Variants in MTMR10 observed in about 807,000 individuals in gnomAD.
MTMR10 encodes myotubularin related protein 10.
A neutral mutation model predicts 88.1 loss-of-function variants in MTMR10; 56 were observed. The ratio of observed to expected loss-of-function variants is 0.64; its 90% confidence interval spans 0.51 to 0.79. The LOEUF (loss-of-function observed/expected upper bound fraction) is 0.79, where lower values mean the gene tolerates loss of function less well. MTMR10 is among the 30% of genes least tolerant of loss of function. MTMR10 has a pLI of 0.00. For synonymous variants in MTMR10, 380 were observed against 340.9 expected, an observed-to-expected ratio of 1.11 and a Z score of -1.26; for missense variants, 883 against 924.7, an observed-to-expected ratio of 0.95 and a Z score of 0.58.
rs772167377 is a variant in MTMR10, at chr15:30,941,488, T to C, written c.2316A>G (p.Thr772=). 2 of 1,609,060 alleles carry C rather than the reference T, an allele frequency of 1.2e-6. No homozygotes were observed. The highest frequency in any genetic ancestry group is 1.7e-6 in the Non-Finnish European group (2 of 1,177,302). ...SGAKIWLSTE[T]LANED is the part of the protein sequence containing the mutation. Reference sequence around the variant, plus strand: ...CCCTATTTTAGTCTTCATTTGCTAATGTCTCAGTAGACAACCATATTTTGG... The same window carrying C: ...CCCTATTTTAGTCTTCATTTGCTAACGTCTCAGTAGACAACCATATTTTGG... The change falls in exon 16 of 16, where the codon ACA becomes ACG. Residue 772 remains threonine (T), a synonymous_variant. Transcript: ENST00000435680.
the MTMR10 span, among the ~76,000 whole-genome samples, chr15:30,923,514 T>C: frequency 4.6e-5 from 7 of 152,216 alleles, no homozygotes; most frequent in Admixed American, 2.0e-4. Flanking sequence ...TTACTGGCCA[T>C]AGCTCTTGTT....
chr15:30,972,232 T>C (rs1037382423), intron 5 of MTMR10, among the ~76,000 whole-genome samples: 1 of 152,188 alleles, frequency 6.6e-6, no homozygotes, highest in African/African-American at 2.4e-5. Flanking sequence ...AACTTTTCAC[T>C]TGAAATAAAA....
Position 30,939,801 on chromosome 15 carries a change from T to C in MTMR10, c.*1669A>G, listed in dbSNP as rs1489286049. 2.0e-6 allele frequency: 2 copies of C among 985,182 alleles called. No homozygotes were observed. The highest frequency in any genetic ancestry group is 1.1e-4 in the East Asian group (1 of 8,834). 61.0% of individuals were successfully genotyped at this position (985,182 alleles called of 1,614,324 possible). On this transcript the variant is annotated 3_prime_UTR_variant, in exon 16 of 16. Transcript: ENST00000435680. ...GATACGCTGTGGTGTTATAAGGAGA[T>C]TGGGTCTGGTTTCTAATCAAGGACT...
chr15:30,943,037 A>C lies in MTMR10; in HGVS notation c.1584T>G (p.Asp528Glu). 1 of 1,547,136 alleles carries C rather than the reference A, an allele frequency of 6.5e-7. No homozygotes were observed. Residue 528 changes from aspartate to glutamate, a missense_variant, in exon 15 of 16, where the codon GAT becomes GAG. Asp to Glu is a conservative substitution (Grantham distance 45, BLOSUM62 2). Coordinates refer to ENST00000435680, the MANE Select transcript of MTMR10 (RefSeq NM_017762.3). ...CAGAGGGGAATTTTAAGCCCTTCTC[A>C]TCACCCAATTGGATGTTTTTGCTTA... is the stretch of plus-strand genomic sequence containing the variant. ...FAISKNIQLGDEKGLKFPSVW... is the reference protein window; with the variant it reads ...FAISKNIQLGEEKGLKFPSVW...
the MTMR10 span, among the ~76,000 whole-genome samples, chr15:30,919,683 T>C: frequency 0.66 from 96,536 of 147,344 alleles, 32,158 homozygotes; most frequent in East Asian, 0.98. Context: ...AGCGAGACTC[T>C]GTCTCGGGGA....
At chr15:30,966,754 T>A (rs1451998161) in intron 6 of MTMR10, among the ~76,000 whole-genome samples, 2 of 152,126 alleles carry the variant, frequency 1.3e-5, no homozygotes, top group Non-Finnish European at 2.9e-5. Context: ...TAAGAAAAAT[T>A]AAGTTACAAA....
the MTMR10 span, chr15:30,925,199 C>T: frequency 4.8e-5 from 78 of 1,614,000 alleles, no homozygotes; most frequent in Non-Finnish European, 5.9e-5. Context: ...ACTGTATCAG[C>T]GAGCCGTGCG....
At chr15:30,925,835 C>G in the MTMR10 span, 6 of 1,614,116 alleles carry the variant, frequency 3.7e-6, no homozygotes, top group South Asian at 6.6e-5. Context: ...ATGTGCAAGT[C>G]TGTGTTTGTG....
chr15:30,963,825 T>C (rs1389222625), intron 6 of MTMR10, among the ~76,000 whole-genome samples: 1 of 152,134 alleles, frequency 6.6e-6, no homozygotes, highest in East Asian at 1.9e-4. Flanking sequence ...ACACAAAACC[T>C]GCATATGGAA....
the MTMR10 span, among the ~76,000 whole-genome samples, chr15:30,924,692 C>T: frequency 6.6e-6 from 1 of 152,144 alleles, no homozygotes; most frequent in African/African-American, 2.4e-5. Flanking sequence ...ATTGACCTGG[C>T]GCTTTGATGT....
chr15:30,929,957 T>G, the MTMR10 span, among the ~76,000 whole-genome samples: 410 of 118,188 alleles, frequency 3.5e-3, 13 homozygotes, highest in African/African-American at 0.014. Flanking sequence ...ATAATATATA[T>G]CATATAATAT....
intron 14 of MTMR10, chr15:30,943,719 C>T: frequency 1.0e-6 from 1 of 985,492 alleles, no homozygotes; most frequent in Non-Finnish European, 1.2e-6. Flanking sequence ...GCCTAGTTAT[C>T]TGGCTTCCCA....
At chr15:30,984,701 C>CT (rs2030826056) in intron 2 of MTMR10, among the ~76,000 whole-genome samples, 1 of 152,170 alleles carries the variant, frequency 6.6e-6, no homozygotes, top group Admixed American at 6.5e-5. Flanking sequence ...ACAAAAGACT[C>CT]TGACAATCAC....
the MTMR10 span, chr15:30,926,642 G>A: frequency 1.0e-6 from 1 of 985,296 alleles, no homozygotes; most frequent in Non-Finnish European, 1.2e-6. Flanking sequence ...ACGTGCAAAT[G>A]CCAGTGAAGA....
the MTMR10 span, among the ~76,000 whole-genome samples, chr15:30,929,774 ATATAT>A: frequency 0.067 from 1,399 of 20,786 alleles, 238 homozygotes; most frequent in East Asian, 0.19. Context: ...AAAATATATA[ATATAT>A]TATATCATAT....
In MTMR10 at chr15:30,940,454, AG is replaced by A. The variant is rs1214294723; in HGVS notation, c.*1015del. 1.0e-6 allele frequency: 1 copy of A among 985,328 alleles called. No individual in the cohort carries two copies. The highest frequency in any genetic ancestry group is 1.2e-6 in the Non-Finnish European group (1 of 829,948). The allele number at this position is 985,328 out of a possible 1,614,324, so 61.0% of individuals were successfully genotyped here. A position where few individuals can be genotyped will look rare whatever the true frequency, so the allele number is the denominator to read the frequency against. On this transcript the variant is annotated 3_prime_UTR_variant, in exon 16 of 16. Transcript: ENST00000435680. The stretch of plus-strand genomic sequence containing the variant: ...CCTAAGCATTAGGAACTATGAGAGA[AG>A]GACATCTGTGCAGGTGCCCAACTCG...
intron 9 of MTMR10, among the ~76,000 whole-genome samples, chr15:30,957,860 G>A (rs750554632): frequency 2.4e-4 from 37 of 152,348 alleles, no homozygotes; most frequent in Middle Eastern, 3.4e-3. Context: ...AGGGGTGGAG[G>A]AGACATGGAA....
chr15:30,970,305 A>G (rs2141040720), intron 5 of MTMR10, among the ~76,000 whole-genome samples: 1 of 152,300 alleles, frequency 6.6e-6, no homozygotes, highest in Non-Finnish European at 1.5e-5. Context: ...AAGAGAAAAA[A>G]TACAGAAAGT....
At chr15:30,964,588 G>A (rs2063450554) in intron 6 of MTMR10, among the ~76,000 whole-genome samples, 1 of 152,146 alleles carries the variant, frequency 6.6e-6, no homozygotes, top group Non-Finnish European at 1.5e-5. Flanking sequence ...TACTCAATCT[G>A]GTTTTATAGT....
Sources: allele counts gnomAD v4.1 joint callset (sites outside exome capture counted in the v4.1 genomes callset), GRCh38; gene constraint gnomAD v4.1.1; transcripts MANE v1.5; gene names NCBI Gene and HGNC (gene_info 2026-07-23, HGNC 2026-07-21).